Variants in TMTC2 observed in about 807,000 individuals in gnomAD.
The protein encoded by TMTC2 is transmembrane O-mannosyltransferase targeting cadherins 2.
Under a neutral mutation model 82.4 loss-of-function variants are expected in TMTC2, and 43 were observed. That is an observed-to-expected ratio of 0.52 (90% CI 0.41 to 0.67). The LOEUF (loss-of-function observed/expected upper bound fraction) is 0.67. Among genes scored for constraint, TMTC2 ranks in the 30% least tolerant of loss-of-function variants. TMTC2 has a pLI of 0.00. For missense variants in TMTC2, 919 were observed against 1,012.4 expected (o/e 0.91, Z 1.25); for synonymous variants, 408 against 381.9 (o/e 1.07, Z -0.80).
intron 4 of TMTC2, among the ~76,000 whole-genome samples, chr12:82,935,709 T>C (rs906214872): frequency 2.0e-5 from 3 of 152,158 alleles, no homozygotes; most frequent in Admixed American, 6.5e-5. Flanking sequence ...AGGAATTAGA[T>C]TTCAAAATGC....
chr12:83,002,730 G>C (rs1879981818), intron 8 of TMTC2, among the ~76,000 whole-genome samples: 1 of 150,964 alleles, frequency 6.6e-6, no homozygotes, highest in African/African-American at 2.4e-5. Flanking sequence ...TCTTGGTATT[G>C]ATTTCTATTT....
chr12:82,902,555 T>C (rs2137193637), intron 3 of TMTC2, among the ~76,000 whole-genome samples: 1 of 152,340 alleles, frequency 6.6e-6, no homozygotes, highest in Admixed American at 6.5e-5. Context: ...TTCTTTAATG[T>C]CTCAGCTGAA....
At chr12:82,898,414 C>T (rs1402519758) in intron 3 of TMTC2, among the ~76,000 whole-genome samples, 1 of 152,154 alleles carries the variant, frequency 6.6e-6, no homozygotes, top group African/African-American at 2.4e-5. Context: ...ATATTATTTG[C>T]ATCACAGTGT....
In TMTC2 at chr12:82,716,495, C is replaced by A. The variant is rs146740686; in HGVS notation, c.83+28826C>A. ...TCTCCTGCCTCAGCCTCCCGTGTAGCTGGGACTACAGGCGCGCGCCACCAT... is the reference window on the plus strand; with the variant it reads ...TCTCCTGCCTCAGCCTCCCGTGTAGATGGGACTACAGGCGCGCGCCACCAT... On this transcript the variant is annotated intron_variant, in intron 1 of 11. Coordinates refer to ENST00000321196, the MANE Select transcript of TMTC2 (RefSeq NM_152588.3). Among the ~76,000 whole-genome samples the A allele has an allele frequency of 2.5e-3, 382 of 151,990 alleles. 12 individuals carry two copies. In the East Asian group the frequency reaches 0.059, roughly 23 times the overall value.
chr12:82,770,949 C>T (rs1877269276), intron 1 of TMTC2, among the ~76,000 whole-genome samples: 2 of 152,128 alleles, frequency 1.3e-5, no homozygotes, highest in Non-Finnish European at 1.5e-5. Flanking sequence ...TGGCTCACGC[C>T]TCTAATTCCA....
chr12:83,065,441 C>T (rs1882884501), intron 11 of TMTC2, among the ~76,000 whole-genome samples: 1 of 151,708 alleles, frequency 6.6e-6, no homozygotes, highest in African/African-American at 2.4e-5. Context: ...ATGTTTAATA[C>T]CTTGTTGTTT....
intron 1 of TMTC2, among the ~76,000 whole-genome samples, chr12:82,768,610 C>G (rs1363738585): frequency 2.0e-5 from 3 of 152,024 alleles, no homozygotes; most frequent in Non-Finnish European, 4.4e-5. Flanking sequence ...GTTTTTTCGA[C>G]TCTTCATGTC....
chr12:82,903,738 C>T (rs12309442), intron 3 of TMTC2, among the ~76,000 whole-genome samples: 2,202 of 152,242 alleles, frequency 0.014, 57 homozygotes, highest in African/African-American at 0.051. Context: ...TAAAAAATGG[C>T]ATAGATGCTG....
At chr12:82,968,545 T>A (rs2137309261) in intron 7 of TMTC2, among the ~76,000 whole-genome samples, 1 of 152,288 alleles carries the variant, frequency 6.6e-6, no homozygotes, top group South Asian at 2.1e-4. Context: ...ATTCCCAGTT[T>A]TCCTCACTTA....
chr12:83,054,528 G>A (rs1882464997), intron 10 of TMTC2, among the ~76,000 whole-genome samples: 1 of 151,324 alleles, frequency 6.6e-6, no homozygotes, highest in Non-Finnish European at 1.5e-5. Context: ...AATTACACTT[G>A]TAATTATATA....
At chr12:82,699,155 T>C (rs1872953938) in intron 1 of TMTC2, among the ~76,000 whole-genome samples, 1 of 152,214 alleles carries the variant, frequency 6.6e-6, no homozygotes, top group Admixed American at 6.5e-5. Context: ...GAGTCTGTGG[T>C]TGAGCCCCTG....
intron 4 of TMTC2, among the ~76,000 whole-genome samples, chr12:82,936,051 T>G (rs907898916): frequency 6.6e-6 from 1 of 152,012 alleles, no homozygotes; most frequent in African/African-American, 2.4e-5. Context: ...ATTTTAAGAC[T>G]GAGAAAAGTT....
intron 1 of TMTC2, among the ~76,000 whole-genome samples, chr12:82,721,001 AGAAAG>A (rs1874182595): frequency 6.6e-6 from 1 of 152,238 alleles, no homozygotes; most frequent in Non-Finnish European, 1.5e-5. Flanking sequence ...AAGTAGATCA[AGAAAG>A]GAAAGCAAGA....
At chr12:82,927,237 A>G (rs1875771400) in intron 3 of TMTC2, among the ~76,000 whole-genome samples, 1 of 152,200 alleles carries the variant, frequency 6.6e-6, no homozygotes, top group Non-Finnish European at 1.5e-5. Flanking sequence ...ATTAGCAGGA[A>G]TTTGGAAGAA....
At chr12:82,845,008 ACT>A (rs1410439020) in intron 1 of TMTC2, among the ~76,000 whole-genome samples, 176 of 151,264 alleles carry the variant, frequency 1.2e-3, no homozygotes, top group African/African-American at 4.0e-3. Context: ...TGGGCGGATC[ACT>A]TGAGGTCAGG....
intron 2 of TMTC2, among the ~76,000 whole-genome samples, chr12:82,864,970 T>A (rs182505790): frequency 6.6e-6 from 1 of 150,694 alleles, no homozygotes; most frequent in Non-Finnish European, 1.5e-5. Flanking sequence ...ATCCCAGCAC[T>A]TTGAGAGGCC....
At chr12:82,760,810 T>G (rs2136979373) in intron 1 of TMTC2, 1 of 398,720 alleles carries the variant, frequency 2.5e-6, no homozygotes, top group East Asian at 1.0e-4. Context: ...GGGATCTAGG[T>G]TTCATACTTG....
At chr12:82,905,988 T>A (rs534856166) in intron 3 of TMTC2, among the ~76,000 whole-genome samples, 1 of 151,876 alleles carries the variant, frequency 6.6e-6, no homozygotes, top group African/African-American at 2.4e-5. Context: ...GAGTCAAAAT[T>A]GTTTCAATTT....
intron 11 of TMTC2, among the ~76,000 whole-genome samples, chr12:83,130,681 TG>T (rs749318759): frequency 3.9e-5 from 6 of 152,194 alleles, no homozygotes; most frequent in Non-Finnish European, 7.4e-5. Context: ...CAAACATGTA[TG>T]TGCTAGACTT....
Sources: allele counts gnomAD v4.1 joint callset (sites outside exome capture counted in the v4.1 genomes callset), GRCh38; gene constraint gnomAD v4.1.1; transcripts MANE v1.5; gene names NCBI Gene and HGNC (gene_info 2026-07-23, HGNC 2026-07-21).